FHIT: variants seen among roughly 807,000 people sequenced by gnomAD.
FHIT encodes the protein fragile histidine triad diadenosine triphosphatase.
In FHIT, 19 loss-of-function variants were observed where a neutral mutation model predicts 17.9. The observed-to-expected ratio is 1.06, with a 90% confidence interval of 0.74 to 1.56. The LOEUF is 1.56. Ranked by LOEUF, FHIT falls within the 40% of genes most tolerant of loss-of-function variation. The pLI is 0.00. For synonymous variants in FHIT, 81 were observed against 69.7 expected (o/e 1.16, Z -0.81); for missense variants, 248 against 189.2 (o/e 1.31, Z -1.82).
chr3:60,383,250 T>G (rs1700879155), intron 5 of FHIT, among the ~76,000 whole-genome samples: 1 of 152,194 alleles, frequency 6.6e-6, no homozygotes, highest in Non-Finnish European at 1.5e-5. Context: ...CTGTGACCAC[T>G]GGGTGAGATC....
chr3:60,034,568 A>G lies in FHIT; in HGVS notation c.104-20416T>C, dbSNP rs144781581. ...GTATATCTTCGTCAACATGTTTCAGAATATAAATCCAGATTACACAAACTA... is the reference window on the plus strand; with the variant it reads ...GTATATCTTCGTCAACATGTTTCAGGATATAAATCCAGATTACACAAACTA... On this transcript the variant is annotated intron_variant, in intron 5 of 9. Transcript: ENST00000492590. 3.2e-4 allele frequency among the ~76,000 whole-genome samples: 49 copies of G among 152,360 alleles called. 2 individuals carry two copies. In the East Asian group the frequency reaches 9.4e-3, roughly 29 times the overall value.
chr3:61,002,978 T>A (rs949652453), intron 3 of FHIT, among the ~76,000 whole-genome samples: 1 of 152,184 alleles, frequency 6.6e-6, no homozygotes, highest in Non-Finnish European at 1.5e-5. Context: ...TCTGTTGTAA[T>A]CCCTTTCTCA....
chr3:60,167,760 C>T (rs536358295), intron 5 of FHIT, among the ~76,000 whole-genome samples: 5 of 152,250 alleles, frequency 3.3e-5, no homozygotes, highest in East Asian at 1.9e-4. Context: ...TGTGGCAGGG[C>T]GTAGTGGCTC....
intron 8 of FHIT, among the ~76,000 whole-genome samples, chr3:59,852,831 G>A (rs1041321848): frequency 3.3e-5 from 5 of 152,054 alleles, no homozygotes; most frequent in Admixed American, 2.0e-4. Context: ...TTAAGTTTCC[G>A]CCATGTCTCT....
chr3:60,862,106 T>G (rs1703938881), intron 3 of FHIT, among the ~76,000 whole-genome samples: 1 of 152,210 alleles, frequency 6.6e-6, no homozygotes, highest in South Asian at 2.1e-4. Context: ...TATAACTTGG[T>G]AAATAAAACA....
intron 4 of FHIT, among the ~76,000 whole-genome samples, chr3:60,656,344 T>G (rs1409245887): frequency 6.6e-6 from 1 of 152,208 alleles, no homozygotes; most frequent in Non-Finnish European, 1.5e-5. Flanking sequence ...CTATATAAGC[T>G]GCATACTTTG....
chr3:60,981,884 T>C (rs1483447117), intron 3 of FHIT, among the ~76,000 whole-genome samples: 4 of 152,146 alleles, frequency 2.6e-5, no homozygotes, highest in East Asian at 1.9e-4. Flanking sequence ...ATGAAAGCCA[T>C]TGTGCTCAGC....
At chr3:60,485,385 A>G (rs1362505665) in intron 5 of FHIT, among the ~76,000 whole-genome samples, 2 of 152,182 alleles carry the variant, frequency 1.3e-5, no homozygotes, top group African/African-American at 4.8e-5. Flanking sequence ...TTACAATAGC[A>G]AAGACTCAGA....
At chr3:60,712,716 A>C (rs1212100820) in intron 4 of FHIT, among the ~76,000 whole-genome samples, 29 of 149,968 alleles carry the variant, frequency 1.9e-4, no homozygotes, top group African/African-American at 6.8e-4. Context: ...CAATTCAACA[A>C]GAAGAGCTAA....
chr3:60,571,161 C>T (rs540225299), intron 4 of FHIT, among the ~76,000 whole-genome samples: 5 of 151,722 alleles, frequency 3.3e-5, no homozygotes, highest in Admixed American at 1.3e-4. Context: ...CATCCCATCT[C>T]CCCGTCTCTA....
chr3:61,056,535 C>A (rs1234306059), intron 2 of FHIT, among the ~76,000 whole-genome samples: 1 of 152,160 alleles, frequency 6.6e-6, no homozygotes, highest in Non-Finnish European at 1.5e-5. Context: ...GAGAGTGCTA[C>A]CCCAGACAAG....
intron 5 of FHIT, among the ~76,000 whole-genome samples, chr3:60,284,659 C>G (rs181574069): frequency 2.2e-4 from 33 of 152,176 alleles, no homozygotes; most frequent in African/African-American, 7.2e-4. Context: ...ATGAGACATT[C>G]CCATTTTTTT....
At chr3:60,049,094 T>C (rs1051935156) in intron 5 of FHIT, among the ~76,000 whole-genome samples, 19 of 152,298 alleles carry the variant, frequency 1.2e-4, no homozygotes, top group African/African-American at 4.3e-4. Flanking sequence ...CCTATAGACA[T>C]AGGCTTACTT....
chr3:60,525,725 G>A (rs1013848324), intron 5 of FHIT, among the ~76,000 whole-genome samples: 3 of 152,166 alleles, frequency 2.0e-5, no homozygotes, highest in African/African-American at 7.2e-5. Context: ...TTATTACTTA[G>A]AGCTCTCTAC....
chr3:60,247,951 A>G (rs1290495562), intron 5 of FHIT, among the ~76,000 whole-genome samples: 2 of 152,138 alleles, frequency 1.3e-5, no homozygotes, highest in African/African-American at 4.8e-5. Flanking sequence ...AATTTTTTAA[A>G]TCGATAAGCA....
chr3:61,209,160 C>G (rs922324271), intron 1 of FHIT, among the ~76,000 whole-genome samples: 13 of 152,168 alleles, frequency 8.5e-5, no homozygotes, highest in Non-Finnish European at 1.0e-4. Flanking sequence ...TCTCTTCTGG[C>G]TTGTAGAGTT....
intron 4 of FHIT, among the ~76,000 whole-genome samples, chr3:60,651,798 G>T (rs1055361529): frequency 6.6e-6 from 1 of 152,070 alleles, no homozygotes; most frequent in Non-Finnish European, 1.5e-5. Flanking sequence ...GAGCTACATG[G>T]TATTTCTTTG....
chr3:60,273,593 T>C (rs535572360), intron 5 of FHIT, among the ~76,000 whole-genome samples: 19 of 152,102 alleles, frequency 1.2e-4, no homozygotes, highest in Admixed American at 9.8e-4. Context: ...AGAGCAACAG[T>C]GCAAGACTCC....
At chr3:60,795,036 C>T (rs373062613) in intron 4 of FHIT, among the ~76,000 whole-genome samples, 77 of 152,260 alleles carry the variant, frequency 5.1e-4, no homozygotes, top group South Asian at 2.9e-3. Context: ...TTATGTATGA[C>T]ACATACACAT....
Sources: allele counts gnomAD v4.1 joint callset (sites outside exome capture counted in the v4.1 genomes callset), GRCh38; gene constraint gnomAD v4.1.1; transcripts MANE v1.5; gene names NCBI Gene and HGNC (gene_info 2026-07-23, HGNC 2026-07-21).